Variants in FBXL7 observed in about 807,000 individuals in gnomAD.
FBXL7 encodes F-box/LRR-repeat protein 7.
Under a neutral mutation model 38.3 loss-of-function variants are expected in FBXL7, and 12 were observed. That is an observed-to-expected ratio of 0.31 (90% CI 0.20 to 0.51). The LOEUF (loss-of-function observed/expected upper bound fraction) is 0.51. Among genes scored for constraint, FBXL7 ranks in the 20% least tolerant of loss-of-function variants. The probability of loss-of-function intolerance (pLI) is 0.98; values close to 1 mark genes in which losing one functional copy is unlikely to be tolerated. For synonymous variants in FBXL7, 297 were observed against 300.9 expected (o/e 0.99, Z 0.13); for missense variants, 567 against 676.4 (o/e 0.84, Z 1.79).
chr5:15,868,749 T>G (rs1365052192), intron 2 of FBXL7, among the ~76,000 whole-genome samples: 1 of 152,170 alleles, frequency 6.6e-6, no homozygotes, highest in African/African-American at 2.4e-5. Context: ...CTGTCAAGTT[T>G]CCATTCAATG....
chr5:15,882,237 T>C lies in FBXL7; in HGVS notation c.128-45653T>C, dbSNP rs534121501. 9.8e-5 allele frequency among the ~76,000 whole-genome samples: 15 copies of C among 152,310 alleles called. 1 individual carries two copies. Among genetic ancestry groups the C allele is most frequent in the African/African-American group, 3.6e-4 (15 of 41,572 alleles). ...GCAGGAACACAGATTTAAACTCTTA[T>C]CACTAGCTTTACTTCTGAGTAGGCT... is the stretch of plus-strand genomic sequence containing the variant. On this transcript the variant is annotated intron_variant, in intron 2 of 3. Transcript: ENST00000504595.
intron 2 of FBXL7, among the ~76,000 whole-genome samples, chr5:15,728,245 T>C (rs965000154): frequency 6.6e-6 from 1 of 152,168 alleles, no homozygotes; most frequent in Non-Finnish European, 1.5e-5. Context: ...TTTGTTTTTT[T>C]CCTCTGAATG....
intron 1 of FBXL7, among the ~76,000 whole-genome samples, chr5:15,582,931 T>C (rs1308912519): frequency 1.3e-5 from 2 of 149,030 alleles, no homozygotes; most frequent in East Asian, 4.0e-4. Context: ...TCTCCTTGGC[T>C]CATGTTTTTT....
intron 1 of FBXL7, among the ~76,000 whole-genome samples, chr5:15,529,377 T>G (rs1737351737): frequency 1.3e-5 from 2 of 151,912 alleles, no homozygotes; most frequent in Non-Finnish European, 2.9e-5. Context: ...AGCTAAGTGT[T>G]GTAACCTAAC....
intron 2 of FBXL7, among the ~76,000 whole-genome samples, chr5:15,809,704 G>T (rs991868784): frequency 6.6e-6 from 1 of 152,016 alleles, no homozygotes; most frequent in Admixed American, 6.6e-5. Context: ...TCAGTTTACA[G>T]CAAAAGAGGG....
intron 1 of FBXL7, among the ~76,000 whole-genome samples, chr5:15,551,707 G>T (rs1738077013): frequency 6.6e-6 from 1 of 152,064 alleles, no homozygotes; most frequent in Non-Finnish European, 1.5e-5. Flanking sequence ...TCCATTTTAT[G>T]CCTCTTCATT....
chr5:15,500,850 C>T lies in FBXL7; in HGVS notation c.37+137C>T, dbSNP rs1736469355. 1.5e-5 allele frequency: 16 copies of T among 1,062,582 alleles called. No individual in the cohort carries two copies. The South Asian group carries it at 2.4e-4, about 16-fold the overall frequency. The allele number at this position is 1,062,582 out of a possible 1,614,324, so 65.8% of individuals were successfully genotyped here. ...GGCACCCTGTCTGGGTCACCACCTT[C>T]TCCTTTGGCAGTGAGTGACCAGTGA... is the stretch of plus-strand genomic sequence containing the variant. On this transcript the variant is annotated intron_variant, in intron 1 of 3. Transcript: ENST00000504595.
At chr5:15,629,307 A>G (rs1580419207) in intron 2 of FBXL7, among the ~76,000 whole-genome samples, 1 of 152,140 alleles carries the variant, frequency 6.6e-6, no homozygotes, top group East Asian at 1.9e-4. Context: ...AGACACAAGT[A>G]TGGGAGTCAA....
chr5:15,875,945 A>T (rs1740184704), intron 2 of FBXL7, among the ~76,000 whole-genome samples: 1 of 152,354 alleles, frequency 6.6e-6, no homozygotes, highest in African/African-American at 2.4e-5. Context: ...ATAAAGACAC[A>T]TGCACACGTA....
intron 2 of FBXL7, among the ~76,000 whole-genome samples, chr5:15,876,388 T>G (rs1046247917): frequency 5.9e-5 from 9 of 152,114 alleles, no homozygotes; most frequent in African/African-American, 2.2e-4. Context: ...TCCCAGAACT[T>G]AAAGTATAAT....
rs113533465 is a variant in FBXL7, at chr5:15,726,578, C to T, written c.127+110506C>T. Among the ~76,000 whole-genome samples, 1,333 of 152,050 alleles carry T rather than the reference C, an allele frequency of 8.8e-3. 18 individuals are homozygous for T. The highest frequency in any genetic ancestry group is 0.041 in the South Asian group (199 of 4,816). On this transcript the variant is annotated intron_variant, in intron 2 of 3. Coordinates refer to ENST00000504595, the MANE Select transcript of FBXL7 (RefSeq NM_012304.5). ...CGTGGTGGTGTGCCTGTAGTCCCAG[C>T]TATTTGGGAGGCTAAGGTGGAAGAA...
intron 2 of FBXL7, among the ~76,000 whole-genome samples, chr5:15,735,451 G>C (rs1735726066): frequency 6.6e-6 from 1 of 152,160 alleles, no homozygotes. Flanking sequence ...TGATGATGGG[G>C]ATGCTAAGCT....
chr5:15,786,192 G>T (rs1737128448), intron 2 of FBXL7, among the ~76,000 whole-genome samples: 1 of 152,178 alleles, frequency 6.6e-6, no homozygotes, highest in Admixed American at 6.5e-5. Context: ...TGAATTCTCA[G>T]TAATCATTGT....
chr5:15,600,600 T>G (rs1461542922), intron 1 of FBXL7, among the ~76,000 whole-genome samples: 1 of 152,198 alleles, frequency 6.6e-6, no homozygotes, highest in African/African-American at 2.4e-5. Flanking sequence ...TTATGATTGT[T>G]TGATAAATGG....
intron 2 of FBXL7, among the ~76,000 whole-genome samples, chr5:15,901,327 G>A (rs371087375): frequency 3.3e-5 from 5 of 152,280 alleles, no homozygotes; most frequent in South Asian, 2.1e-4. Context: ...GTAGAAGAAG[G>A]GCAAGAGAGC....
chr5:15,602,313 G>T (rs556703439), intron 1 of FBXL7: 3 of 152,172 alleles, frequency 2.0e-5, no homozygotes, highest in Admixed American at 2.0e-4. Flanking sequence ...TAGCCATTGT[G>T]TAAAAACTCT....
chr5:15,639,787 T>C (rs562021118), intron 2 of FBXL7, among the ~76,000 whole-genome samples: 30 of 151,952 alleles, frequency 2.0e-4, no homozygotes, highest in Non-Finnish European at 3.5e-4. Context: ...CTTAATAAGT[T>C]ACAAATTTAA....
At chr5:15,934,295 A>G (rs1382254304) in intron 3 of FBXL7, among the ~76,000 whole-genome samples, 7 of 152,184 alleles carry the variant, frequency 4.6e-5, no homozygotes. Context: ...GTGAGCCAAC[A>G]CACCCAGTCG....
At chr5:15,820,293 C>G (rs1738134880) in intron 2 of FBXL7, among the ~76,000 whole-genome samples, 1 of 151,992 alleles carries the variant, frequency 6.6e-6, no homozygotes, top group African/African-American at 2.4e-5. Context: ...TGTGTCCTCA[C>G]CTCCTCAGGC....
Sources: allele counts gnomAD v4.1 joint callset (sites outside exome capture counted in the v4.1 genomes callset), GRCh38; gene constraint gnomAD v4.1.1; transcripts MANE v1.5; gene names NCBI Gene and HGNC (gene_info 2026-07-23, HGNC 2026-07-21).